Variants in WDR1 observed in about 807,000 individuals in gnomAD.
The protein encoded by WDR1 is WD repeat-containing protein 1.
Under a neutral mutation model 71.9 loss-of-function variants are expected in WDR1, and 21 were observed. The ratio of observed to expected loss-of-function variants is 0.29; its 90% CI spans 0.21 to 0.42. The LOEUF is 0.42. WDR1 is among the 10% of genes least tolerant of loss of function. The probability of loss-of-function intolerance (pLI) is 1.00; values close to 1 mark genes in which losing one functional copy is unlikely to be tolerated. For missense variants in WDR1, 696 were observed against 824.5 expected (o/e 0.84, Z 1.91); for synonymous variants, 424 against 347.4 (o/e 1.22, Z -2.45).
intron 4 of WDR1, among the ~76,000 whole-genome samples, chr4:10,098,396 G>A (rs1262771005): frequency 6.6e-6 from 1 of 152,224 alleles, no homozygotes; most frequent in African/African-American, 2.4e-5. Context: ...ATTCAGTGAA[G>A]AACAGACATG....
Position 10,097,735 on chromosome 4 carries a change from TG to T in WDR1, c.533del (p.Pro178HisfsTer88). ...DNCAAFFEGP[P>X]FKFKFTIGDH... ...CGCCAATTGTGAACTTGAACTTGAA[TG>T]GGGGTCCCTCAAAGAATGCCGCGCA... On this transcript the variant is annotated frameshift_variant, in exon 5 of 15. Transcript: ENST00000499869. LOFTEE classifies it high-confidence loss of function. The T allele has an allele frequency of 6.2e-7, 1 of 1,609,148 alleles. No homozygotes were observed. Among genetic ancestry groups the T allele is most frequent in the Non-Finnish European group, 8.5e-7 (1 of 1,177,552 alleles).
rs28407589 is a variant in WDR1 at position 10,103,289 on chromosome 4, G to C, written c.229+607C>G. 4.8e-4 allele frequency among the ~76,000 whole-genome samples: 71 copies of C among 147,016 alleles called. No individual in the cohort carries two copies. In the South Asian group the frequency reaches 6.3e-3, roughly 13 times the overall value. ...ACATACACACACACACACACACACA[G>C]ACACACACACACACACACACACACA... On this transcript the variant is annotated intron_variant, in intron 3 of 14. Transcript: ENST00000499869.
intron 2 of WDR1, among the ~76,000 whole-genome samples, chr4:10,112,452 T>C (rs774512750): frequency 1.3e-5 from 2 of 152,194 alleles, no homozygotes; most frequent in African/African-American, 2.4e-5. Context: ...GCCACCATTA[T>C]AGTCTTTCAC....
intron 11 of WDR1, among the ~76,000 whole-genome samples, chr4:10,079,509 C>T (rs753472331): frequency 5.3e-5 from 8 of 152,202 alleles, no homozygotes; most frequent in Non-Finnish European, 8.8e-5. Flanking sequence ...CGGGACTCGC[C>T]CAGAATCCAA....
intron 11 of WDR1, among the ~76,000 whole-genome samples, chr4:10,079,211 AAC>A (rs1764919460): frequency 6.6e-6 from 1 of 152,348 alleles, no homozygotes; most frequent in Admixed American, 6.5e-5. Context: ...TGGGGCAGGA[AAC>A]ACAACTAACT....
At chr4:10,080,418 T>C (rs1238806598) in intron 11 of WDR1, among the ~76,000 whole-genome samples, 1 of 152,246 alleles carries the variant, frequency 6.6e-6, no homozygotes, top group East Asian at 1.9e-4. Flanking sequence ...AGGCGCTCCA[T>C]GTGTGGATTC....
chr4:10,084,160 CCA>C (rs1436025466), intron 9 of WDR1, among the ~76,000 whole-genome samples: 1 of 152,228 alleles, frequency 6.6e-6, no homozygotes, highest in Non-Finnish European at 1.5e-5. Context: ...GGCCGTTAAG[CCA>C]CACTCTCAGG....
chr4:10,107,275 C>G (rs746805197), intron 2 of WDR1, among the ~76,000 whole-genome samples: 1 of 152,200 alleles, frequency 6.6e-6, no homozygotes, highest in Non-Finnish European at 1.5e-5. Context: ...CAGTCCTCAC[C>G]ACAGGCCTGC....
intron 12 of WDR1, among the ~76,000 whole-genome samples, chr4:10,078,452 C>A (rs1764882614): frequency 6.6e-6 from 1 of 152,194 alleles, no homozygotes; most frequent in East Asian, 1.9e-4. Context: ...CTGGTTAGTA[C>A]CGCACCTTGA....
intron 5 of WDR1, chr4:10,093,132 C>T: frequency 1.6e-6 from 2 of 1,289,410 alleles, no homozygotes; most frequent in Non-Finnish European, 2.0e-6. Context: ...GCTGCAGGCC[C>T]CAGCTGGCCT....
At chr4:10,113,585 G>A (rs759894758) in intron 2 of WDR1, among the ~76,000 whole-genome samples, 18 of 152,138 alleles carry the variant, frequency 1.2e-4, no homozygotes, top group Non-Finnish European at 2.6e-4. Flanking sequence ...CCACTCCAGC[G>A]AGTGTTGTGA....
chr4:10,107,000 GGAA>G (rs1713061121), intron 2 of WDR1, among the ~76,000 whole-genome samples: 1 of 152,100 alleles, frequency 6.6e-6, no homozygotes, highest in African/African-American at 2.4e-5. Context: ...TCCATCTTGG[GGAA>G]GAAGAATGAG....
chr4:10,077,137 C>T (rs1257632108), intron 14 of WDR1, 167 bp downstream of exon 14: 1 of 994,330 alleles, frequency 1.0e-6, no homozygotes, highest in Non-Finnish European at 1.4e-6. Flanking sequence ...AGCAGCGCAG[C>T]TGGTGTTTGC....
intron 4 of WDR1, 76 bp from the exon 5 acceptor site, chr4:10,097,967 T>C: frequency 2.1e-6 from 3 of 1,400,764 alleles, no homozygotes; most frequent in Admixed American, 2.6e-5. Flanking sequence ...AGCAATCTGA[T>C]AGCTGAGCTG....
intron 13 of WDR1, 134 bp downstream of exon 13, chr4:10,077,619 C>A (rs1160886607): frequency 1.4e-6 from 2 of 1,446,258 alleles, no homozygotes; most frequent in African/African-American, 1.4e-5. Context: ...TGGCACGAGG[C>A]ACCTGCTACT....
chr4:10,079,356 C>A (rs1351760937), intron 11 of WDR1, among the ~76,000 whole-genome samples: 1 of 152,266 alleles, frequency 6.6e-6, no homozygotes, highest in South Asian at 2.1e-4. Flanking sequence ...ACAAAAACAG[C>A]GACAGCCCCT....
chr4:10,096,280 TGCCCTGG>T (rs1276362995), intron 5 of WDR1: 1 of 152,276 alleles, frequency 6.6e-6, no homozygotes. Context: ...TGCTTCCTCC[TGCCCTGG>T]GCTGAGATGG....
At chr4:10,100,986 C>A (rs1282533582) in intron 3 of WDR1, among the ~76,000 whole-genome samples, 2 of 152,258 alleles carry the variant, frequency 1.3e-5, no homozygotes, top group African/African-American at 4.8e-5. Flanking sequence ...CAGGACAAGG[C>A]AGAGGGCGTC....
chr4:10,098,873 C>G, intron 4 of WDR1, 119 bp downstream of exon 4: 2 of 1,456,748 alleles, frequency 1.4e-6, no homozygotes, highest in Non-Finnish European at 1.9e-6. Flanking sequence ...CTACTGGGAG[C>G]TCAACCCTCA....
Sources: gnomAD v4.1 joint callset for allele counts (sites outside exome capture counted in the v4.1 genomes callset) on GRCh38, gnomAD v4.1.1 for gene constraint, MANE v1.5 for transcripts, NCBI Gene and HGNC (gene_info 2026-07-23, HGNC 2026-07-21) for gene names.